Variants in AFTPH observed in about 807,000 individuals in gnomAD.
The protein encoded by AFTPH is aftiphilin.
A neutral mutation model predicts 72.5 loss-of-function variants in AFTPH; 7 were observed. The observed-to-expected ratio is 0.10, with a 90% CI of 0.05 to 0.18. The LOEUF (loss-of-function observed/expected upper bound fraction) is 0.18, where lower values mean the gene tolerates loss of function less well. Among genes scored for constraint, AFTPH ranks in the 10% least tolerant of loss-of-function variants. AFTPH has a pLI of 1.00. For missense variants in AFTPH, 979 were observed against 1,060.5 expected, an observed-to-expected ratio of 0.92 and a Z score of 1.07; for synonymous variants, 337 against 370.1, an observed-to-expected ratio of 0.91 and a Z score of 1.03.
At position 64,567,524 on chromosome 2, in the gene AFTPH, T is replaced by C. The variant is rs751001648; in HGVS notation, c.1936-38T>C. The stretch of plus-strand genomic sequence containing the variant: ...GCTATAACTATGATATTATCAAAAT[T>C]AAATGAAAATAAACTTTTGGGGGGT... On this transcript the variant is annotated intron_variant, in intron 2 of 8. Coordinates refer to ENST00000238856, the Ensembl canonical transcript of AFTPH. The C allele has an allele frequency of 1.9e-6, 3 of 1,576,956 alleles. No individual in the cohort carries two copies. In the African/African-American group the frequency reaches 4.1e-5, roughly 22 times the overall value.
intron 2 of AFTPH, among the ~76,000 whole-genome samples, chr2:64,554,993 A>G (rs1272345478): frequency 6.6e-6 from 1 of 152,214 alleles, no homozygotes; most frequent in Non-Finnish European, 1.5e-5. Context: ...ATAACTGGAT[A>G]TAGGAGATAA....
chr2:64,549,022 C>A (rs976028505), intron 1 of AFTPH, among the ~76,000 whole-genome samples: 1 of 152,152 alleles, frequency 6.6e-6, no homozygotes, highest in African/African-American at 2.4e-5. Context: ...TGAAGCCATT[C>A]TCCACTAAGC....
intron 8 of AFTPH, among the ~76,000 whole-genome samples, chr2:64,587,188 T>TC (rs1215812441): frequency 2.0e-5 from 3 of 152,216 alleles, no homozygotes; most frequent in African/African-American, 7.2e-5. Context: ...TTTCATTTTT[T>TC]CTCTTGTTCT....
rs1573049190 is a variant in AFTPH, at chr2:64,586,054, C to CAA, written c.2579+509_2579+510insAA. Among the ~76,000 whole-genome samples the CAA allele has an allele frequency of 2.0e-5, 3 of 152,140 alleles. No individual in the cohort carries two copies. The East Asian group carries it at 5.8e-4, about 29-fold the overall frequency. ...CTAGAAGCCCCTTCAGAGGCATGGC[C>CAA]TATTGAAGAGCAATTACCATCTCCC... On this transcript the variant is annotated intron_variant, in intron 8 of 8. Coordinates refer to ENST00000238856, the Ensembl canonical transcript of AFTPH.
At chr2:64,550,828 A>G (rs1671002004) in intron 1 of AFTPH, among the ~76,000 whole-genome samples, 2 of 152,038 alleles carry the variant, frequency 1.3e-5, no homozygotes, top group South Asian at 4.1e-4. Flanking sequence ...TTACCTTATT[A>G]CTATATTACC....
chr2:64,572,908 AC>A, intron 5 of AFTPH, 37 bp from the exon 6 acceptor site: 1 of 1,611,402 alleles, frequency 6.2e-7, no homozygotes, highest in Admixed American at 1.7e-5. Flanking sequence ...TGGGCTGTGC[AC>A]CCCCATCCCC....
At chr2:64,576,964 G>A (rs1672848820) in intron 6 of AFTPH, among the ~76,000 whole-genome samples, 2 of 151,994 alleles carry the variant, frequency 1.3e-5, no homozygotes, top group South Asian at 4.2e-4. Context: ...TCACCATGTT[G>A]GCCAGGCTGG....
In AFTPH at chr2:64,551,443, G is replaced by A. The variant is rs1264084269; in HGVS notation, c.-32G>A. The A allele has an allele frequency of 5.1e-6, 8 of 1,580,680 alleles. No homozygotes were observed. The highest frequency in any genetic ancestry group is 6.9e-6 in the Non-Finnish European group (8 of 1,166,040). On this transcript the variant is annotated splice_region_variant and 5_prime_UTR_variant, in exon 2 of 9. It adds an upstream start codon to the 5' untranslated region. Transcript: ENST00000238856. The stretch of plus-strand genomic sequence containing the variant: ...AAAATTCTTTTTTTCTTTTTTACAG[G>A]TGTAAATTAATTATTTGAAAGCAAC...
At chr2:64,564,380 C>T (rs1671923148) in intron 2 of AFTPH, among the ~76,000 whole-genome samples, 2 of 152,088 alleles carry the variant, frequency 1.3e-5, no homozygotes, top group South Asian at 2.1e-4. Flanking sequence ...CTGACACCCT[C>T]GGTGCCAAAT....
chr2:64,562,596 T>A (rs1281983286), intron 2 of AFTPH, among the ~76,000 whole-genome samples: 1 of 152,242 alleles, frequency 6.6e-6, no homozygotes, highest in African/African-American at 2.4e-5. Flanking sequence ...CTTTCTGCTC[T>A]GCTTTTCTCA....
intron 2 of AFTPH, among the ~76,000 whole-genome samples, chr2:64,563,600 G>T (rs1229959390): frequency 6.6e-6 from 1 of 152,080 alleles, no homozygotes; most frequent in Non-Finnish European, 1.5e-5. Context: ...AAGTTATTTG[G>T]ACTATGTTAC....
intron 1 of AFTPH, among the ~76,000 whole-genome samples, chr2:64,545,581 A>C (rs1670542783): frequency 9.5e-6 from 1 of 105,666 alleles, no homozygotes; most frequent in South Asian, 3.0e-4. Flanking sequence ...AAAAAAAAAA[A>C]AAAAAAAAAA....
chr2:64,569,251 A>G lies in AFTPH; in HGVS notation c.2214+33A>G, dbSNP rs774584290. 2.5e-6 allele frequency: 4 copies of G among 1,589,312 alleles called. No homozygotes were observed. In the East Asian group the frequency reaches 6.7e-5, roughly 27 times the overall value. On this transcript the variant is annotated intron_variant, in intron 4 of 8. Transcript: ENST00000238856. ...TGTTAGTACCTTGAAAAATCTTTTA[A>G]TCAACCTGTGGATGTTTTAAAATTC...
intron 1 of AFTPH, among the ~76,000 whole-genome samples, chr2:64,545,132 G>A (rs983980552): frequency 5.9e-5 from 9 of 151,766 alleles, no homozygotes; most frequent in African/African-American, 1.9e-4. Flanking sequence ...AAAAGTTTTG[G>A]AAAAAAGCAA....
At chr2:64,575,913 ATT>A (rs938653954) in intron 6 of AFTPH, among the ~76,000 whole-genome samples, 61 of 151,686 alleles carry the variant, frequency 4.0e-4, no homozygotes, top group African/African-American at 1.4e-3. Context: ...TAATTTTCGT[ATT>A]TTTAGTAGAG....
chr2:64,590,076 A>G (rs1673734089), intron 8 of AFTPH, among the ~76,000 whole-genome samples: 1 of 151,908 alleles, frequency 6.6e-6, no homozygotes, highest in Admixed American at 6.6e-5. Flanking sequence ...TACTTAGGCT[A>G]TATTCAGATT....
At chr2:64,556,266 G>A (rs1406299709) in intron 2 of AFTPH, among the ~76,000 whole-genome samples, 1 of 152,162 alleles carries the variant, frequency 6.6e-6, no homozygotes, top group Non-Finnish European at 1.5e-5. Flanking sequence ...GGGATTACAG[G>A]CGTGAGCCAC....
chr2:64,549,812 T>C (rs1213223388), intron 1 of AFTPH, among the ~76,000 whole-genome samples: 1 of 152,210 alleles, frequency 6.6e-6, no homozygotes. Context: ...ATTTTTGCTT[T>C]ACATCATACA....
intron 8 of AFTPH, among the ~76,000 whole-genome samples, chr2:64,590,409 T>G (rs1254321319): frequency 6.6e-6 from 1 of 152,214 alleles, no homozygotes; most frequent in Admixed American, 6.5e-5. Context: ...AGGTGTTATA[T>G]CACATCAGAA....
Sources: allele counts gnomAD v4.1 joint callset (sites outside exome capture counted in the v4.1 genomes callset), GRCh38; gene constraint gnomAD v4.1.1; transcripts MANE v1.5; gene names NCBI Gene and HGNC (gene_info 2026-07-23, HGNC 2026-07-21).